PCDHGA1: variants seen among roughly 807,000 people sequenced by gnomAD.
PCDHGA1 encodes the protein protocadherin gamma-A1.
A neutral mutation model predicts 58.0 loss-of-function variants in PCDHGA1; 32 were observed. The ratio of observed to expected loss-of-function variants is 0.55; its 90% CI spans 0.42 to 0.74. The LOEUF (loss-of-function observed/expected upper bound fraction) is 0.74, where lower values mean the gene tolerates loss of function less well. Ranked by LOEUF, PCDHGA1 falls within the 30% of genes least tolerant of loss-of-function variation. The pLI, the probability that PCDHGA1 is intolerant of heterozygous loss-of-function variation, is 0.00. For synonymous variants in PCDHGA1, 498 were observed against 501.1 expected, an observed-to-expected ratio of 0.99 and a Z score of 0.08; for missense variants, 1,205 against 1,182.3, an observed-to-expected ratio of 1.02 and a Z score of -0.28.
chr5:141,352,500 C>T (rs1759029072), intron 1 of PCDHGA1: 1 of 1,614,024 alleles, frequency 6.2e-7, no homozygotes, highest in East Asian at 2.2e-5. Context: ...TTGCCCTATT[C>T]CTACAATCTA....
rs115237553 is a variant in PCDHGA1, at chr5:141,476,478, T to A, written c.2422-18329T>A. 1.3e-4 allele frequency: 203 copies of A among 1,613,844 alleles called. 2 individuals are homozygous for A. The African/African-American group carries it at 2.5e-3, about 20-fold the overall frequency. Reference sequence around the variant, plus strand: ...GAGAACCCGCTGGAGCTGTTCAGCGTGGAAGTGGTGATCCAGGACATCAAC... The same window carrying A: ...GAGAACCCGCTGGAGCTGTTCAGCGAGGAAGTGGTGATCCAGGACATCAAC... On this transcript the variant is annotated intron_variant, in intron 1 of 3. Transcript: ENST00000517417. The surrounding 1 kb of genome is among the most constrained non-coding windows in gnomAD (Gnocchi z 7.6).
At chr5:141,405,708 C>T (rs1328051668) in intron 1 of PCDHGA1, among the ~76,000 whole-genome samples, 2 of 152,164 alleles carry the variant, frequency 1.3e-5, no homozygotes, top group African/African-American at 4.8e-5. Context: ...GAATTCCTAA[C>T]CTCAAGTGAT....
intron 1 of PCDHGA1, chr5:141,383,909 T>A: frequency 6.2e-7 from 1 of 1,613,856 alleles, no homozygotes; most frequent in Non-Finnish European, 8.5e-7. Context: ...CTGATCACAG[T>A]TTTAGATGTA....
At chr5:141,442,033 G>T (rs2098292928) in intron 1 of PCDHGA1, 1 of 209,534 alleles carries the variant, frequency 4.8e-6, no homozygotes, top group Non-Finnish European at 9.8e-6. Context: ...AAAGCGACTC[G>T]CCAGCGCCTA....
intron 1 of PCDHGA1, chr5:141,413,526 G>T: frequency 6.2e-7 from 1 of 1,613,936 alleles, no homozygotes; most frequent in Non-Finnish European, 8.5e-7. Context: ...TGGAAGACAG[G>T]GTGAAACTTT....
At chr5:141,456,051 C>T (rs1592410743) in intron 1 of PCDHGA1, among the ~76,000 whole-genome samples, 1 of 151,998 alleles carries the variant, frequency 6.6e-6, no homozygotes, top group Non-Finnish European at 1.5e-5. Context: ...GCGCCCACCA[C>T]CACGTCCGGC....
At position 141,491,151 on chromosome 5, in the gene PCDHGA1, T is replaced by C. The variant is rs1283775894; in HGVS notation, c.2422-3656T>C. The C allele has an allele frequency of 6.2e-7, 1 of 1,614,150 alleles. No individual in the cohort carries two copies. On this transcript the variant is annotated intron_variant, in intron 1 of 3. Transcript: ENST00000517417. The surrounding 1 kb of genome is among the most constrained non-coding windows in gnomAD (Gnocchi z 6.9). ...GCACAGCCCGGGCCTTACTGGAGGA[T>C]GACTCTGACACCCAGCAGGTGGTGG...
intron 1 of PCDHGA1, chr5:141,375,214 C>A: frequency 6.2e-7 from 1 of 1,613,928 alleles, no homozygotes. Flanking sequence ...GAGACTCTGG[C>A]CTGAATGGCC....
intron 1 of PCDHGA1, chr5:141,441,387 G>A (rs2098243952): frequency 6.5e-6 from 1 of 153,712 alleles, no homozygotes; most frequent in Non-Finnish European, 1.5e-5. Flanking sequence ...CAGACCCAAG[G>A]TATAACATCA....
rs777924092 is a variant in PCDHGA1 at position 141,487,482 on chromosome 5, A to T, written c.2422-7325A>T. The T allele has an allele frequency of 1.2e-6, 2 of 1,614,164 alleles. No individual in the cohort carries two copies. Among genetic ancestry groups the T allele is most frequent in the South Asian group, 2.2e-5 (2 of 91,086 alleles). ...TTTGTTGATGTGGGAGGCCACTCTCATGGCTGTACACCCTTGGCTTCTGCA... is the reference window on the plus strand; with the variant it reads ...TTTGTTGATGTGGGAGGCCACTCTCTTGGCTGTACACCCTTGGCTTCTGCA... On this transcript the variant is annotated intron_variant, in intron 1 of 3. Coordinates refer to ENST00000517417, the MANE Select transcript of PCDHGA1 (RefSeq NM_018912.3). The surrounding 1 kb of genome is among the most constrained non-coding windows in gnomAD (Gnocchi z 5.0).
intron 1 of PCDHGA1, chr5:141,340,949 C>G (rs35592458): frequency 0.47 from 757,715 of 1,613,592 alleles, 185,601 homozygotes; most frequent in East Asian, 0.58. Flanking sequence ...CACTGTCACG[C>G]TCACCGTGGC....
chr5:141,421,910 C>G, intron 1 of PCDHGA1: 1 of 1,613,716 alleles, frequency 6.2e-7, no homozygotes, highest in Non-Finnish European at 8.5e-7. Flanking sequence ...GGCGCAGTTC[C>G]CATTCGTGTG....
intron 1 of PCDHGA1, among the ~76,000 whole-genome samples, chr5:141,347,364 A>G (rs1002042968): frequency 1.3e-5 from 2 of 151,966 alleles, no homozygotes; most frequent in African/African-American, 2.4e-5. Context: ...TATGTTTCCC[A>G]GGCTGGTCTG....
chr5:141,425,401 T>C (rs1280463432), intron 1 of PCDHGA1, among the ~76,000 whole-genome samples: 1 of 152,234 alleles, frequency 6.6e-6, no homozygotes, highest in Non-Finnish European at 1.5e-5. Context: ...AAAGTTCTGT[T>C]AAGGTATAAC....
At position 141,471,056 on chromosome 5, in the gene PCDHGA1, T is replaced by C. The variant is rs1367189715; in HGVS notation, c.2422-23751T>C. On this transcript the variant is annotated intron_variant, in intron 1 of 3. Coordinates refer to ENST00000517417, the MANE Select transcript of PCDHGA1 (RefSeq NM_018912.3). ...ACAAGCCCAAGCCCTCTTTTTTTTT[T>C]TTTTTTTTTTGAGACAGGGTCTCCC... Among the ~76,000 whole-genome samples, 581 of 150,056 alleles carry C rather than the reference T, an allele frequency of 3.9e-3. 6 individuals are homozygous for C. Among genetic ancestry groups the C allele is most frequent in the Admixed American group, 0.011 (167 of 15,092 alleles).
chr5:141,388,793 T>C, intron 1 of PCDHGA1: 1 of 1,613,918 alleles, frequency 6.2e-7, no homozygotes, highest in South Asian at 1.1e-5. Flanking sequence ...CTGTTTTAAA[T>C]ACATTAGATT....
rs764070772 is a variant in PCDHGA1, at chr5:141,476,415, C to T, written c.2422-18392C>T. ...CTGGATCGAGAGGAGCTGTGTGGGACACTGCCCTCTTGCACTGTAACTCTG... is the reference window on the plus strand; with the variant it reads ...CTGGATCGAGAGGAGCTGTGTGGGATACTGCCCTCTTGCACTGTAACTCTG... On this transcript the variant is annotated intron_variant, in intron 1 of 3. Transcript: ENST00000517417. This position sits in a 1 kb window ranked among gnomAD's most constrained non-coding sequence, Gnocchi z 7.6. 2.5e-6 allele frequency: 4 copies of T among 1,614,098 alleles called. No homozygotes were observed. The South Asian group carries it at 4.4e-5, about 18-fold the overall frequency.
intron 1 of PCDHGA1, chr5:141,398,702 C>G: frequency 6.2e-7 from 1 of 1,613,832 alleles, no homozygotes; most frequent in Non-Finnish European, 8.5e-7. Flanking sequence ...AGTAAATACC[C>G]GGAACTGGCA....
chr5:141,351,760 C>T (rs1758809772), intron 1 of PCDHGA1: 1 of 1,613,598 alleles, frequency 6.2e-7, no homozygotes. Flanking sequence ...TGTTGTCCTA[C>T]GTGTCCGTGA....
Sources: gnomAD v4.1 joint callset for allele counts (sites outside exome capture counted in the v4.1 genomes callset) on GRCh38, gnomAD v4.1.1 for gene constraint, Gnocchi (gnomAD v3.1) non-coding constraint, MANE v1.5 for transcripts, NCBI Gene and HGNC (gene_info 2026-07-23, HGNC 2026-07-21) for gene names.